TFEC: variants seen among roughly 807,000 people sequenced by gnomAD.
The protein encoded by TFEC is transcription factor EC, also known as class E basic helix-loop-helix protein 34.
A neutral mutation model predicts 41.6 loss-of-function variants in TFEC; 31 were observed. The observed-to-expected ratio is 0.74, with a 90% CI of 0.56 to 1.01. The LOEUF is 1.01. Ranked by LOEUF, TFEC falls within the 50% of genes least tolerant of loss-of-function variation. The pLI is 0.00. For synonymous variants in TFEC, 143 were observed against 140.6 expected, an observed-to-expected ratio of 1.02 and a Z score of -0.12; for missense variants, 402 against 404.1, an observed-to-expected ratio of 0.99 and a Z score of 0.04.
At chr7:116,002,541 G>T (rs539910586) in intron 1 of TFEC, among the ~76,000 whole-genome samples, 3 of 152,226 alleles carry the variant, frequency 2.0e-5, no homozygotes, top group Non-Finnish European at 4.4e-5. Flanking sequence ...AGAGTAGTGG[G>T]GGTACTGGAG....
chr7:115,972,804 C>T (rs994992880), intron 3 of TFEC, among the ~76,000 whole-genome samples: 3 of 151,980 alleles, frequency 2.0e-5, no homozygotes, highest in African/African-American at 7.2e-5. Context: ...TCTACAAAGA[C>T]TCTACAAAAC....
At chr7:116,140,976 T>C (rs1323602323) in intron 1 of TFEC, among the ~76,000 whole-genome samples, 1 of 152,200 alleles carries the variant, frequency 6.6e-6, no homozygotes, top group Non-Finnish European at 1.5e-5. Flanking sequence ...TATAATACAA[T>C]TATTTTGTAT....
upstream of TFEC, among the ~76,000 whole-genome samples, chr7:116,034,296 C>T (rs1396676744): frequency 1.3e-5 from 2 of 151,984 alleles, no homozygotes; most frequent in African/African-American, 2.4e-5. Flanking sequence ...GCTAATGACT[C>T]TCATGGTCAT....
upstream of TFEC, among the ~76,000 whole-genome samples, chr7:116,033,799 C>T (rs1422373583): frequency 2.0e-5 from 3 of 152,106 alleles, no homozygotes; most frequent in Non-Finnish European, 2.9e-5. Flanking sequence ...TAAAGGAAAA[C>T]AAATAATCTT....
intron 3 of TFEC, among the ~76,000 whole-genome samples, chr7:115,971,939 G>A (rs1356813991): frequency 6.6e-6 from 1 of 152,010 alleles, no homozygotes; most frequent in Non-Finnish European, 1.5e-5. Context: ...AGCCCCTTAT[G>A]AGTCAGGTTA....
intron 3 of TFEC, among the ~76,000 whole-genome samples, chr7:116,058,996 G>T (rs2130982024): frequency 6.6e-6 from 1 of 151,754 alleles, no homozygotes; most frequent in Admixed American, 6.6e-5. Flanking sequence ...AAAGGAGATA[G>T]ATTAAATCCA....
At chr7:116,018,459 T>C (rs1298088085) in intron 1 of TFEC, among the ~76,000 whole-genome samples, 2 of 152,162 alleles carry the variant, frequency 1.3e-5, no homozygotes, top group African/African-American at 4.8e-5. Context: ...TAACATGTTA[T>C]TGGATTGAAG....
intron 1 of TFEC, among the ~76,000 whole-genome samples, chr7:115,997,028 C>T (rs1390243627): frequency 6.6e-6 from 1 of 152,144 alleles, no homozygotes; most frequent in Non-Finnish European, 1.5e-5. Flanking sequence ...AGGGTGAGGA[C>T]ACAAGTCTGG....
intron 6 of TFEC, among the ~76,000 whole-genome samples, chr7:115,945,493 G>A (rs1056360802): frequency 6.6e-6 from 1 of 151,630 alleles, no homozygotes; most frequent in African/African-American, 2.4e-5. Context: ...TGAGGCCACA[G>A]CAAGCCAAGG....
intron 6 of TFEC, among the ~76,000 whole-genome samples, chr7:115,947,188 G>C (rs2130293077): frequency 6.7e-6 from 1 of 150,168 alleles, no homozygotes; most frequent in East Asian, 2.0e-4. Context: ...TTTTGTTCTT[G>C]TGATAGTTTA....
Position 115,950,297 on chromosome 7 carries a change from C to T in TFEC, c.515+577G>A, listed in dbSNP as rs551096948. Among the ~76,000 whole-genome samples the T allele has an allele frequency of 8.1e-4, 123 of 152,234 alleles. 2 individuals are homozygous for T. In the South Asian group the frequency reaches 0.022, roughly 28 times the overall value. On this transcript the variant is annotated intron_variant, in intron 6 of 7. Transcript: ENST00000265440. ...AAAGTGCTGGGATTACAGGCGTTCA[C>T]ATTTTTAAAGAAACATTCAACATTT...
At chr7:115,943,023 T>A (rs1793583838) in intron 6 of TFEC, among the ~76,000 whole-genome samples, 1 of 151,984 alleles carries the variant, frequency 6.6e-6, no homozygotes, top group African/African-American at 2.4e-5. Flanking sequence ...ATATTTTTGG[T>A]GATGTGACAA....
intron 2 of TFEC, among the ~76,000 whole-genome samples, chr7:115,979,219 G>C (rs1283483388): frequency 6.6e-6 from 1 of 152,138 alleles, no homozygotes; most frequent in Non-Finnish European, 1.5e-5. Flanking sequence ...TAGGTCCCAA[G>C]TTTCAACCCT....
chr7:116,096,890 G>A lies in TFEC; in HGVS notation c.198+13818C>T, dbSNP rs1041408875. Among the ~76,000 whole-genome samples the A allele has an allele frequency of 2.0e-4, 31 of 152,092 alleles. 1 individual carries two copies. Among genetic ancestry groups the A allele is most frequent in the Admixed American group, 2.0e-3 (30 of 15,272 alleles). The stretch of plus-strand genomic sequence containing the variant: ...GCAGATCACGAAGTCAGGAAATCGA[G>A]AACATCCTGGCCATCATGGTGAAAC... On this transcript the variant is annotated intron_variant, in intron 3 of 8. Transcript: ENST00000484212.
At chr7:116,075,894 T>A (rs1051792887) in intron 3 of TFEC, among the ~76,000 whole-genome samples, 1 of 152,094 alleles carries the variant, frequency 6.6e-6, no homozygotes, top group African/African-American at 2.4e-5. Context: ...CTAGGGCAAG[T>A]TTGCATCCTC....
intron 1 of TFEC, among the ~76,000 whole-genome samples, chr7:116,014,273 T>C (rs1795108925): frequency 6.6e-6 from 1 of 152,036 alleles, no homozygotes. Flanking sequence ...TTTTAAGAAA[T>C]GAATAAGTGC....
intron 1 of TFEC, among the ~76,000 whole-genome samples, chr7:116,147,000 C>A (rs73719119): frequency 0.18 from 27,278 of 151,856 alleles, 2,471 homozygotes; most frequent in East Asian, 0.25. Flanking sequence ...ACAGATTAGC[C>A]AAAGATGAAG....
exon 3 of TFEC, chr7:116,110,746 G>A (rs977313964): frequency 1.3e-6 from 2 of 1,531,354 alleles, no homozygotes; most frequent in African/African-American, 1.4e-5. Flanking sequence ...TAAATTTGTG[G>A]TCTTGCTGGG....
At chr7:116,132,967 CT>C (rs1318977045) in intron 1 of TFEC, among the ~76,000 whole-genome samples, 2 of 152,114 alleles carry the variant, frequency 1.3e-5, no homozygotes, top group African/African-American at 4.8e-5. Flanking sequence ...ACATTGTCAA[CT>C]TTGTAGCTTT....
Sources: allele counts gnomAD v4.1 joint callset (sites outside exome capture counted in the v4.1 genomes callset), GRCh38; gene constraint gnomAD v4.1.1; transcripts MANE v1.5; gene names NCBI Gene and HGNC (gene_info 2026-07-23, HGNC 2026-07-21).